FRS2: variants seen among roughly 807,000 people sequenced by gnomAD.
FRS2 encodes fibroblast growth factor receptor substrate 2.
FRS2 carries 8 observed loss-of-function variants against 43.9 expected under a neutral mutation model. The observed-to-expected ratio is 0.18, with a 90% confidence interval of 0.11 to 0.33. FRS2 has a LOEUF of 0.33. Ranked by LOEUF, FRS2 falls within the 10% of genes least tolerant of loss-of-function variation. The pLI, the probability that FRS2 is intolerant of heterozygous loss-of-function variation, is 1.00. For missense variants in FRS2, 534 were observed against 627.6 expected (o/e 0.85, Z 1.59); for synonymous variants, 219 against 220.3 (o/e 0.99, Z 0.05).
At chr12:69,483,178 A>G (rs1592915320) in intron 1 of FRS2, among the ~76,000 whole-genome samples, 1 of 152,210 alleles carries the variant, frequency 6.6e-6, no homozygotes. Context: ...GAGACAACAT[A>G]CGGTATACAG....
At chr12:69,544,522 C>T (rs949542391) in intron 3 of FRS2, among the ~76,000 whole-genome samples, 1 of 152,050 alleles carries the variant, frequency 6.6e-6, no homozygotes, top group Non-Finnish European at 1.5e-5. Flanking sequence ...GCCTGGCCAA[C>T]ATGGTGAAAC....
intron 5 of FRS2, 148 bp downstream of exon 5, chr12:69,569,244 A>G: frequency 1.8e-6 from 1 of 552,504 alleles, no homozygotes; most frequent in South Asian, 2.9e-5. Flanking sequence ...TTAATAAATG[A>G]TGACAACATT....
chr12:69,548,956 A>G (rs1261110119), intron 3 of FRS2, among the ~76,000 whole-genome samples: 2 of 152,216 alleles, frequency 1.3e-5, no homozygotes, highest in Non-Finnish European at 2.9e-5. Context: ...AGAGTAGAGT[A>G]GAGAAGGTAA....
intron 1 of FRS2, among the ~76,000 whole-genome samples, chr12:69,499,867 C>G (rs1391102735): frequency 6.6e-6 from 1 of 152,046 alleles, no homozygotes; most frequent in East Asian, 1.9e-4. Flanking sequence ...AAGTTGGAAT[C>G]TGGAGCTTAG....
intron 3 of FRS2, among the ~76,000 whole-genome samples, chr12:69,545,779 C>A (rs199645784): frequency 0.076 from 8,070 of 105,670 alleles, 210 homozygotes; most frequent in Middle Eastern, 0.11. Context: ...AAAAAAAAAA[C>A]AAAAACAAAA....
At chr12:69,497,138 G>T (rs1014563537) in intron 1 of FRS2, among the ~76,000 whole-genome samples, 2 of 152,166 alleles carry the variant, frequency 1.3e-5, no homozygotes, top group African/African-American at 4.8e-5. Context: ...AGTGAGCAAA[G>T]CAAAGTTCCT....
At chr12:69,505,463 G>A (rs914707809) in intron 1 of FRS2, among the ~76,000 whole-genome samples, 11 of 152,284 alleles carry the variant, frequency 7.2e-5, no homozygotes, top group Middle Eastern at 6.8e-3. Flanking sequence ...TAGGGAAAAT[G>A]TTTGCTTTAT....
chr12:69,542,397 AT>A (rs1305613078), intron 3 of FRS2, among the ~76,000 whole-genome samples: 15 of 152,254 alleles, frequency 9.9e-5, no homozygotes, highest in African/African-American at 3.6e-4. Context: ...AGTATAAAAA[AT>A]ATTACAAAAT....
intron 1 of FRS2, among the ~76,000 whole-genome samples, chr12:69,492,516 C>A (rs1398041964): frequency 2.0e-5 from 3 of 152,138 alleles, no homozygotes; most frequent in Non-Finnish European, 4.4e-5. Flanking sequence ...AAGAAGATTT[C>A]TAGGGATAAG....
chr12:69,488,958 A>C (rs1872207262), intron 1 of FRS2, among the ~76,000 whole-genome samples: 1 of 152,180 alleles, frequency 6.6e-6, no homozygotes, highest in Non-Finnish European at 1.5e-5. Context: ...GGAGTGATTT[A>C]TGGAGGGATT....
At chr12:69,523,899 G>A (rs1875935550) in intron 1 of FRS2, among the ~76,000 whole-genome samples, 1 of 152,220 alleles carries the variant, frequency 6.6e-6, no homozygotes, top group Non-Finnish European at 1.5e-5. Context: ...CAATGGGCAA[G>A]TGCCAGCCAA....
intron 3 of FRS2, among the ~76,000 whole-genome samples, chr12:69,533,044 A>T (rs1386773487): frequency 6.6e-6 from 1 of 152,242 alleles, no homozygotes; most frequent in Non-Finnish European, 1.5e-5. Flanking sequence ...GGAAACCAGT[A>T]GTAGGATTGG....
At chr12:69,486,856 T>C (rs1168136793) in intron 1 of FRS2, among the ~76,000 whole-genome samples, 1 of 152,126 alleles carries the variant, frequency 6.6e-6, no homozygotes, top group Non-Finnish European at 1.5e-5. Flanking sequence ...TTCTGTTCAA[T>C]TATATGAGGG....
intron 3 of FRS2, among the ~76,000 whole-genome samples, chr12:69,555,118 C>T (rs1052838834): frequency 6.6e-6 from 1 of 151,948 alleles, no homozygotes; most frequent in East Asian, 1.9e-4. Context: ...AATCTCAGCT[C>T]ACTGCAACTT....
chr12:69,538,013 T>C (rs1877473880), intron 3 of FRS2: 1 of 152,474 alleles, frequency 6.6e-6, no homozygotes. Context: ...ATTTGTACTT[T>C]GTGGATTTTG....
chr12:69,490,457 A>G (rs144302482), intron 1 of FRS2, among the ~76,000 whole-genome samples: 140 of 151,158 alleles, frequency 9.3e-4, no homozygotes, highest in African/African-American at 3.3e-3. Flanking sequence ...TGGCATTTGA[A>G]ACTTTTGCCC....
intron 3 of FRS2, chr12:69,557,742 CATT>C (rs1879548585): frequency 6.6e-6 from 1 of 151,994 alleles, no homozygotes; most frequent in African/African-American, 2.4e-5. Context: ...TTAGGGCAGA[CATT>C]ATGGGCGCTC....
rs1437922350 is a variant in FRS2 at position 69,562,222 on chromosome 12, A to G, written c.-79A>G. On this transcript the variant is annotated 5_prime_UTR_variant, in exon 4 of 9. An upstream open reading frame in the 5' UTR loses its in-frame stop. Coordinates refer to ENST00000549921, the MANE Select transcript of FRS2 (RefSeq NM_001278356.2). ...AGAAAACATGGTATTTTGAAATATG[A>G]TTAAACTCCTGATGCTGCAGCAGAG... 5.0e-6 allele frequency: 2 copies of G among 398,304 alleles called. No individual in the cohort carries two copies. The highest frequency in any genetic ancestry group is 8.9e-6 in the Non-Finnish European group (2 of 225,946). The allele number at this position is 398,304 out of a possible 1,614,324, so 24.7% of individuals were successfully genotyped here. A position where few individuals can be genotyped will look rare whatever the true frequency, so the allele number is the denominator to read the frequency against.
chr12:69,572,527 A>C (rs1880855017), intron 8 of FRS2, among the ~76,000 whole-genome samples: 1 of 152,220 alleles, frequency 6.6e-6, no homozygotes, highest in South Asian at 2.1e-4. Context: ...CTATAGATTA[A>C]GAAAGGCATA....
Sources: gnomAD v4.1 joint callset for allele counts (sites outside exome capture counted in the v4.1 genomes callset) on GRCh38, gnomAD v4.1.1 for gene constraint, MANE v1.5 for transcripts, NCBI Gene and HGNC (gene_info 2026-07-23, HGNC 2026-07-21) for gene names.